The following TTLL5 variants were observed in gnomAD, a reference collection of about 807,000 sequenced individuals.
TTLL5 encodes tubulin polyglutamylase TTLL5.
TTLL5 carries 132 observed loss-of-function variants against 168.4 expected under a neutral mutation model. The ratio of observed to expected loss-of-function variants is 0.78; its 90% CI spans 0.68 to 0.91. The LOEUF (loss-of-function observed/expected upper bound fraction) is 0.91. Among genes scored for constraint, TTLL5 ranks in the 40% least tolerant of loss-of-function variants. The pLI is 0.00. For synonymous variants in TTLL5, 546 were observed against 558.6 expected, an observed-to-expected ratio of 0.98 and a Z score of 0.32; for missense variants, 1,545 against 1,581.5, an observed-to-expected ratio of 0.98 and a Z score of 0.39.
intron 5 of TTLL5, chr14:75,684,581 G>A (rs1884885992): frequency 2.0e-5 from 3 of 152,118 alleles, no homozygotes; most frequent in Non-Finnish European, 4.4e-5. Flanking sequence ...AGAGTTGAGC[G>A]TCATTGGTGT....
At chr14:75,796,957 G>A (rs1274533378) in intron 27 of TTLL5, among the ~76,000 whole-genome samples, 3 of 151,972 alleles carry the variant, frequency 2.0e-5, no homozygotes, top group Non-Finnish European at 2.9e-5. Flanking sequence ...TTCTAGTTCT[G>A]TGAAGAATGA....
At chr14:75,686,711 A>AT (rs200429795) in intron 5 of TTLL5, among the ~76,000 whole-genome samples, 417 of 150,442 alleles carry the variant, frequency 2.8e-3, no homozygotes, top group African/African-American at 9.1e-3. Flanking sequence ...TTAACTCAGA[A>AT]TTTTTTTTTT....
chr14:75,940,746 T>C (rs4899577), intron 31 of TTLL5, among the ~76,000 whole-genome samples: 118,515 of 152,134 alleles, frequency 0.78, 46,269 homozygotes, highest in Admixed American at 0.83. Context: ...CTTTCAGAGA[T>C]TTATATCTCT....
rs1446682541 is a variant in TTLL5 at position 75,734,026 on chromosome 14, A to C, written c.1162A>C (p.Ile388Leu). 12 of 1,614,082 alleles carry C rather than the reference A, an allele frequency of 7.4e-6. No individual in the cohort carries two copies. The highest frequency in any genetic ancestry group is 9.3e-6 in the Non-Finnish European group (11 of 1,179,952). Residue 388 changes from isoleucine (I) to leucine (L), a missense_variant, in exon 14 of 32, where the codon ATT becomes CTT. Physicochemically the swap from Ile to Leu is conservative, Grantham distance 5 (BLOSUM62 2). Transcript: ENST00000298832. Reference sequence around the variant, plus strand: ...GGACCTAAAGATTAAAGCCAGTATGATTTCAGATATGTTCACTGTTGTAGG... The same window carrying C: ...GGACCTAAAGATTAAAGCCAGTATGCTTTCAGATATGTTCACTGTTGTAGG... ...PLDLKIKASM[I>L]SDMFTVVGFV...
chr14:75,710,774 C>G (rs574564033), intron 9 of TTLL5: 1 of 152,306 alleles, frequency 6.6e-6, no homozygotes, highest in Admixed American at 6.5e-5. Context: ...ATCTCCAGAT[C>G]TGCAGCTTTT....
chr14:75,911,908 G>T (rs1476726489), intron 31 of TTLL5, among the ~76,000 whole-genome samples: 1 of 152,202 alleles, frequency 6.6e-6, no homozygotes, highest in African/African-American at 2.4e-5. Flanking sequence ...GCCTTCTGAT[G>T]ATCGAGAGGA....
At chr14:75,868,344 C>T (rs1042495771) in intron 29 of TTLL5, among the ~76,000 whole-genome samples, 7 of 152,138 alleles carry the variant, frequency 4.6e-5, no homozygotes, top group African/African-American at 9.7e-5. Flanking sequence ...TCACTGGTTC[C>T]GGTCTCTTTC....
intron 31 of TTLL5, among the ~76,000 whole-genome samples, chr14:75,945,401 T>C (rs554500354): frequency 3.3e-5 from 5 of 151,398 alleles, no homozygotes; most frequent in African/African-American, 4.9e-5. Flanking sequence ...GGACTACAGG[T>C]GCGTGCCACC....
At chr14:75,949,907 A>T (rs2034904804) in intron 31 of TTLL5, among the ~76,000 whole-genome samples, 1 of 152,108 alleles carries the variant, frequency 6.6e-6, no homozygotes, top group Non-Finnish European at 1.5e-5. Flanking sequence ...TTCTCCCTAA[A>T]ATTGATTTGT....
At chr14:75,898,042 T>C (rs2032751077) in intron 30 of TTLL5, among the ~76,000 whole-genome samples, 2 of 152,232 alleles carry the variant, frequency 1.3e-5, no homozygotes, top group South Asian at 4.1e-4. Flanking sequence ...TATTTCTCAC[T>C]GTCAAGCTCT....
chr14:75,720,595 GC>G lies in TTLL5; in HGVS notation c.935del (p.Ala312AspfsTer2). On this transcript the variant is annotated frameshift_variant and splice_region_variant, in exon 12 of 32. Coordinates refer to ENST00000298832, the MANE Select transcript of TTLL5 (RefSeq NM_015072.5). LOFTEE classifies it high-confidence loss of function. ...YLKQEGRDTT[A>X]LMAHVEDLII... ...TGAAATTTAAAAATTTTTGTTTGCA[GC>G]ATTGATGGCCCATGTAGAAGACCTG... The G allele has an allele frequency of 6.2e-7, 1 of 1,611,920 alleles. No homozygotes were observed. Among genetic ancestry groups the G allele is most frequent in the Middle Eastern group, 1.7e-4 (1 of 6,040 alleles).
rs571513641 is a variant in TTLL5, at chr14:75,876,392, G to A, written c.3523-6293G>A. ...CAATTGGTTAGTGAACAATAGTTTC[G>A]AAATTTTTCTGTCCAGGTAAGCATC... On this transcript the variant is annotated intron_variant, in intron 29 of 31. Coordinates refer to ENST00000298832, the MANE Select transcript of TTLL5 (RefSeq NM_015072.5). 1.1e-4 allele frequency among the ~76,000 whole-genome samples: 16 copies of A among 152,286 alleles called. No individual in the cohort carries two copies. The East Asian group carries it at 2.1e-3, about 20-fold the overall frequency.
intron 28 of TTLL5, among the ~76,000 whole-genome samples, chr14:75,845,148 A>G (rs763756103): frequency 2.8e-4 from 43 of 152,186 alleles, no homozygotes; most frequent in African/African-American, 5.6e-4. Context: ...CTTGTTTTCT[A>G]AAGCTAGTGT....
At chr14:75,821,897 C>G (rs923965241) in intron 28 of TTLL5, among the ~76,000 whole-genome samples, 3 of 152,186 alleles carry the variant, frequency 2.0e-5, no homozygotes, top group African/African-American at 7.2e-5. Context: ...CTTCTCTTTA[C>G]CTCCTCTTCA....
chr14:75,820,166 G>A lies in TTLL5; in HGVS notation c.3326+5G>A, dbSNP rs748897832. 1.3e-6 allele frequency: 2 copies of A among 1,577,770 alleles called. No homozygotes were observed. The highest frequency in any genetic ancestry group is 1.2e-5 in the South Asian group (1 of 84,742). ...CTCCAGCTCTCCTGGAAGCAGGTATGTGAAGGGCCCTGCAACTAGCATTTG... is the reference window on the plus strand; with the variant it reads ...CTCCAGCTCTCCTGGAAGCAGGTATATGAAGGGCCCTGCAACTAGCATTTG... On this transcript the variant is annotated splice_donor_5th_base_variant and intron_variant, in intron 28 of 31. Transcript: ENST00000298832.
chr14:75,932,635 G>A (rs1409433363), intron 31 of TTLL5, among the ~76,000 whole-genome samples: 1 of 152,150 alleles, frequency 6.6e-6, no homozygotes, highest in Non-Finnish European at 1.5e-5. Flanking sequence ...AAAAACTCCA[G>A]ACTTAGTAGC....
Position 75,707,718 on chromosome 14 carries a change from GT to G in TTLL5, c.740+14del. The G allele has an allele frequency of 8.3e-7, 1 of 1,208,950 alleles. No individual in the cohort carries two copies. The highest frequency in any genetic ancestry group is 1.2e-5 in the South Asian group (1 of 83,508). The allele number at this position is 1,208,950 out of a possible 1,614,324, so 74.9% of individuals were successfully genotyped here. On this transcript the variant is annotated intron_variant, in intron 9 of 31. Coordinates refer to ENST00000298832, the MANE Select transcript of TTLL5 (RefSeq NM_015072.5). Reference sequence around the variant, plus strand: ...AGAAGGATTGGCTAGGTAAGAAGCTGTTTGGGGGTGAAGGGGTTGGGTGGGT... The same window carrying G: ...AGAAGGATTGGCTAGGTAAGAAGCTGTTGGGGGTGAAGGGGTTGGGTGGGT...
intron 28 of TTLL5, among the ~76,000 whole-genome samples, chr14:75,839,441 G>A (rs1896091837): frequency 6.6e-6 from 1 of 152,158 alleles, no homozygotes; most frequent in African/African-American, 2.4e-5. Context: ...AGAAGTACCC[G>A]AGACTGGGTG....
intron 31 of TTLL5, among the ~76,000 whole-genome samples, chr14:75,916,735 T>C (rs2033629370): frequency 6.6e-6 from 1 of 152,232 alleles, no homozygotes; most frequent in Non-Finnish European, 1.5e-5. Context: ...CAGATATTTG[T>C]ATCCTCCTAA....
Sources: gnomAD v4.1 joint callset for allele counts (sites outside exome capture counted in the v4.1 genomes callset) on GRCh38, gnomAD v4.1.1 for gene constraint, MANE v1.5 for transcripts, NCBI Gene and HGNC (gene_info 2026-07-23, HGNC 2026-07-21) for gene names.